Variants in FER1L5 observed in about 807,000 individuals in gnomAD.
The protein encoded by FER1L5 is fer-1-like protein 5.
In FER1L5, 187 loss-of-function variants were observed where a neutral mutation model predicts 279.9. The observed-to-expected ratio is 0.67, with a 90% CI of 0.59 to 0.75. The LOEUF (loss-of-function observed/expected upper bound fraction) is 0.75, where lower values mean the gene tolerates loss of function less well. Among genes scored for constraint, FER1L5 ranks in the 30% least tolerant of loss-of-function variants. The pLI is 0.00. For synonymous variants in FER1L5, 921 were observed against 989.7 expected (o/e 0.93, Z 1.30); for missense variants, 2,091 against 2,594.4 (o/e 0.81, Z 4.21).
intron 19 of FER1L5, among the ~76,000 whole-genome samples, chr2:96,681,819 T>C (rs2076739642): frequency 6.6e-6 from 1 of 151,540 alleles, no homozygotes; most frequent in South Asian, 2.1e-4. Flanking sequence ...AGAAGGAGTC[T>C]CACTTTGTTG....
chr2:96,703,470 ACCCGGCTCCTGCTGTCTGCACTCAGCCT>A, intron 50 of FER1L5, 25 bp from the exon 51 acceptor site: 1 of 1,609,718 alleles, frequency 6.2e-7, no homozygotes, highest in Non-Finnish European at 8.5e-7. Flanking sequence ...TCCTAAAACT[ACCCGGCTCCTGCTGTCTGCACTCAGCCT>A]CCCCCTCACC....
rs534849423 is a variant in FER1L5, at chr2:96,642,878, A to G, written c.42A>G (p.Pro14=). The G allele has an allele frequency of 6.4e-7, 1 of 1,551,270 alleles. No individual in the cohort carries two copies. Among genetic ancestry groups the G allele is most frequent in the African/African-American group, 1.4e-5 (1 of 73,126 alleles). Residue 14 remains proline (P), a synonymous_variant, in exon 1 of 53, where the codon CCA becomes CCG. Transcript: ENST00000624922. ...TGCAGTCGGCCAAGATTGACCCACC[A>G]CTAGCCCCACTACCCAGGCCCTGCA... ...LVVQSAKIDP[P]LAPLPRPCMS...
intron 21 of FER1L5, 118 bp downstream of exon 21, chr2:96,685,547 T>C: frequency 1.2e-6 from 1 of 834,690 alleles, no homozygotes; most frequent in Non-Finnish European, 1.8e-6. Context: ...GGAGCACTGC[T>C]CAGACCTCTC....
rs1296606274 is a variant in FER1L5, at chr2:96,694,137, G to A, written c.3636+65G>A. The A allele has an allele frequency of 6.8e-7, 1 of 1,479,386 alleles. No homozygotes were observed. Among genetic ancestry groups the A allele is most frequent in the Non-Finnish European group, 9.0e-7 (1 of 1,116,024 alleles). 91.6% of individuals were successfully genotyped at this position (1,479,386 alleles called of 1,614,324 possible). ...AGTGCCCCTCCCCGTCCCACCCCCA[G>A]CCAGCGGGGGCCAACTCCACCCTGT... On this transcript the variant is annotated intron_variant, in intron 33 of 52. Transcript: ENST00000624922. This position sits in a 1 kb window ranked among gnomAD's most constrained non-coding sequence, Gnocchi z 4.6.
At chr2:96,699,772 G>A (rs1347733955) in intron 43 of FER1L5, 52 bp downstream of exon 43, 1 of 1,604,746 alleles carries the variant, frequency 6.2e-7, no homozygotes, top group Non-Finnish European at 8.5e-7. Flanking sequence ...GGAAGAGTGA[G>A]CCTACAGCTC....
intron 19 of FER1L5, among the ~76,000 whole-genome samples, chr2:96,680,167 TTGG>T (rs2076667097): frequency 6.6e-6 from 1 of 152,090 alleles, no homozygotes; most frequent in Non-Finnish European, 1.5e-5. Context: ...ATCTGTCTCC[TTGG>T]TTTGCTGAAA....
chr2:96,702,716 AGCGCAC>A lies in FER1L5; in HGVS notation c.5374_5379del (p.Arg1792_Thr1793del). ...TTTACCATGGACTACCTGGCGGCGGAGCGCACGTGTGTCCAGAGCCAGAAGGTAACA... is the reference window on the plus strand; with the variant it reads ...TTTACCATGGACTACCTGGCGGCGGAGTGTGTCCAGAGCCAGAAGGTAACA... On this transcript the variant is annotated inframe_deletion, in exon 48 of 53. Coordinates refer to ENST00000624922, the MANE Select transcript of FER1L5 (RefSeq NM_001293083.2). This position sits in a 1 kb window ranked among gnomAD's most constrained non-coding sequence, Gnocchi z 4.0. 1.2e-6 allele frequency: 2 copies of A among 1,613,116 alleles called. No individual in the cohort carries two copies. Among genetic ancestry groups the A allele is most frequent in the African/African-American group, 2.7e-5 (2 of 75,008 alleles).
intron 9 of FER1L5, among the ~76,000 whole-genome samples, chr2:96,658,409 C>T (rs1376126161): frequency 8.1e-5 from 12 of 148,162 alleles, no homozygotes; most frequent in Middle Eastern, 3.6e-3. Context: ...CTCTGCCTCC[C>T]GGGTTCAAGT....
intron 23 of FER1L5, 104 bp from the exon 24 acceptor site, chr2:96,687,712 C>A: frequency 6.7e-7 from 1 of 1,491,974 alleles, no homozygotes; most frequent in Non-Finnish European, 9.0e-7. Flanking sequence ...GCCCCGCTCC[C>A]AGGGCTCAGG....
intron 24 of FER1L5, chr2:96,688,837 C>T: frequency 4.8e-6 from 1 of 208,440 alleles, no homozygotes; most frequent in Non-Finnish European, 9.6e-6. Context: ...AGCCCTCCTG[C>T]ACCACTTGAC....
At chr2:96,704,163 G>A in intron 51 of FER1L5, 52 bp from the exon 52 acceptor site, 1 of 1,599,626 alleles carries the variant, frequency 6.3e-7, no homozygotes, top group South Asian at 1.1e-5. Context: ...CAGATTACTT[G>A]ACCTGAAGGT....
At chr2:96,683,759 A>G (rs2076819347) in intron 19 of FER1L5, among the ~76,000 whole-genome samples, 2 of 152,348 alleles carry the variant, frequency 1.3e-5, no homozygotes, top group South Asian at 4.1e-4. Context: ...GATTTTCTGC[A>G]TGTTAAATGT....
In FER1L5 at chr2:96,647,644, ATTC is replaced by A. The variant is rs1456190540; in HGVS notation, c.231-129_231-127del. 6 of 659,592 alleles carry A rather than the reference ATTC, an allele frequency of 9.1e-6. No individual in the cohort carries two copies. In the African/African-American group the frequency reaches 1.1e-4, roughly 12 times the overall value. The allele number at this position is 659,592 out of a possible 1,614,324, so 40.9% of individuals were successfully genotyped here. A position where few individuals can be genotyped will look rare whatever the true frequency, so the allele number is the denominator to read the frequency against. ...TGTCATGGATACCCAGCCCCACTGC[ATTC>A]TTCTCCAGCCTCTCTCTGAGGACAG... On this transcript the variant is annotated intron_variant, in intron 3 of 52. Coordinates refer to ENST00000624922, the MANE Select transcript of FER1L5 (RefSeq NM_001293083.2).
chr2:96,687,720 AG>A (rs1456299684), intron 23 of FER1L5, 95 bp from the exon 24 acceptor site: 6 of 1,421,692 alleles, frequency 4.2e-6, no homozygotes, highest in Admixed American at 4.2e-5. Flanking sequence ...CCCAGGGCTC[AG>A]GGGGGAAGGG....
In FER1L5 at chr2:96,686,374, G is replaced by A. The variant is rs1295469925; in HGVS notation, c.2229+24G>A. On this transcript the variant is annotated intron_variant, in intron 23 of 52. Transcript: ENST00000624922. The stretch of plus-strand genomic sequence containing the variant: ...AGGTGGGAATCAGGGACTCCTCAGG[G>A]GAGGACAGGGCTGAGAAATGCCCCC... 11 of 1,543,330 alleles carry A rather than the reference G, an allele frequency of 7.1e-6. 1 individual carries two copies. The highest frequency in any genetic ancestry group is 1.7e-4 in the Middle Eastern group (1 of 5,898).
intron 26 of FER1L5, 33 bp from the exon 27 acceptor site, chr2:96,690,454 T>C: frequency 6.5e-7 from 1 of 1,543,218 alleles, no homozygotes; most frequent in Non-Finnish European, 8.8e-7. Context: ...CCAGCTCATG[T>C]GCCCCTCGCT....
In FER1L5 at chr2:96,702,950, G is replaced by A. The variant is rs779469330; in HGVS notation, c.5398-28G>A. ...AGGGAAACGTCCAGGAGACAGGCCG[G>A]TAACACGCCCTTCCGCCATTTCCCC... On this transcript the variant is annotated intron_variant, in intron 48 of 52. Transcript: ENST00000624922. The surrounding 1 kb of genome is among the most constrained non-coding windows in gnomAD (Gnocchi z 4.0). 8.1e-6 allele frequency: 13 copies of A among 1,595,932 alleles called. No homozygotes were observed. Among genetic ancestry groups the A allele is most frequent in the Non-Finnish European group, 5.1e-6 (6 of 1,170,760 alleles).
In FER1L5 at chr2:96,689,756, G is replaced by C. The variant is rs764117961; in HGVS notation, c.2638G>C (p.Val880Leu). 1 of 1,547,382 alleles carries C rather than the reference G, an allele frequency of 6.5e-7. No individual in the cohort carries two copies. Among genetic ancestry groups the C allele is most frequent in the African/African-American group, 1.4e-5 (1 of 72,846 alleles). Reference protein sequence around the residue: ...WGPAAIPNTDVNGQPMEAREN... With the variant: ...WGPAAIPNTDLNGQPMEAREN... ...GCCTGCCGCCATCCCAAACACAGAC[G>C]TGGTGAGCAGGGCCGAAGCTGCCTC... Residue 880 changes from valine to leucine, a missense_variant and splice_region_variant, in exon 26 of 53, where the codon GTG (valine) becomes CTG (leucine). Physicochemically the swap from Val to Leu is conservative, Grantham distance 32 (BLOSUM62 1). Transcript: ENST00000624922. The surrounding 1 kb of genome is among the most constrained non-coding windows in gnomAD (Gnocchi z 4.6).
Position 96,689,525 on chromosome 2 carries a change from G to C in FER1L5, c.2526-119G>C. 6.9e-7 allele frequency: 1 copy of C among 1,439,248 alleles called. No individual in the cohort carries two copies. Among genetic ancestry groups the C allele is most frequent in the Non-Finnish European group, 9.5e-7 (1 of 1,048,764 alleles). The allele number at this position is 1,439,248 out of a possible 1,614,324, so 89.2% of individuals were successfully genotyped here. On this transcript the variant is annotated intron_variant, in intron 25 of 52. Transcript: ENST00000624922. The surrounding 1 kb of genome is among the most constrained non-coding windows in gnomAD (Gnocchi z 4.6). Reference sequence around the variant, plus strand: ...GGCCAAGGGCCCTGCCCACCACCCTGTCCTGCCCAGAGCAGGTGGGGATGG... The same window carrying C: ...GGCCAAGGGCCCTGCCCACCACCCTCTCCTGCCCAGAGCAGGTGGGGATGG...
Sources: gnomAD v4.1 joint callset for allele counts (sites outside exome capture counted in the v4.1 genomes callset) on GRCh38, gnomAD v4.1.1 for gene constraint, Gnocchi (gnomAD v3.1) non-coding constraint, MANE v1.5 for transcripts, NCBI Gene and HGNC (gene_info 2026-07-23, HGNC 2026-07-21) for gene names.